The following CNBD1 variants were observed in gnomAD, a reference collection of about 807,000 sequenced individuals.
The protein encoded by CNBD1 is cyclic nucleotide-binding domain-containing protein 1.
Under a neutral mutation model 54.4 loss-of-function variants are expected in CNBD1, and 71 were observed. That is an observed-to-expected ratio of 1.30 (90% CI 1.08 to 1.59). The LOEUF (loss-of-function observed/expected upper bound fraction) is 1.59, where lower values mean the gene tolerates loss of function less well. Ranked by LOEUF, CNBD1 falls within the 40% of genes most tolerant of loss-of-function variation. The probability of loss-of-function intolerance (pLI) is 0.00; values close to 1 mark genes in which losing one functional copy is unlikely to be tolerated. For missense variants in CNBD1, 659 were observed against 518.0 expected (o/e 1.27, Z -2.64); for synonymous variants, 182 against 170.7 (o/e 1.07, Z -0.51).
intron 1 of CNBD1, among the ~76,000 whole-genome samples, chr8:86,881,408 C>T (rs975976720): frequency 6.6e-6 from 1 of 152,048 alleles, no homozygotes; most frequent in African/African-American, 2.4e-5. Context: ...TGAGTGAATT[C>T]CCATTAACAA....
chr8:87,068,315 A>G (rs1810695766), intron 4 of CNBD1, among the ~76,000 whole-genome samples: 2 of 152,058 alleles, frequency 1.3e-5, no homozygotes, highest in Non-Finnish European at 2.9e-5. Context: ...TAGGTAATAT[A>G]TAATTACAAT....
intron 4 of CNBD1, among the ~76,000 whole-genome samples, chr8:87,200,858 T>A (rs1195439270): frequency 6.6e-6 from 1 of 152,098 alleles, no homozygotes; most frequent in Non-Finnish European, 1.5e-5. Context: ...CTTCACAAAA[T>A]CTTTCAAAAA....
At chr8:86,874,986 T>TTTTATATATATATATATA (rs1304865331) in intron 1 of CNBD1, among the ~76,000 whole-genome samples, 15 of 120,110 alleles carry the variant, frequency 1.2e-4, no homozygotes, top group African/African-American at 4.8e-4. Flanking sequence ...GTAAATCAAT[T>TTTTATATATATATATATA]TATATATATA....
intron 8 of CNBD1, among the ~76,000 whole-genome samples, chr8:87,292,485 G>T (rs113649919): frequency 3.9e-5 from 6 of 152,230 alleles, no homozygotes; most frequent in African/African-American, 1.4e-4. Context: ...TGGGGTGTGA[G>T]AAATGGAATG....
chr8:87,378,004 G>T (rs1810987871), intron 10 of CNBD1, among the ~76,000 whole-genome samples: 1 of 132,088 alleles, frequency 7.6e-6, no homozygotes, highest in Admixed American at 7.7e-5. Flanking sequence ...GGGGTTGTTT[G>T]TTTTTTTCTT....
chr8:87,219,268 A>G (rs1814274675), intron 5 of CNBD1, among the ~76,000 whole-genome samples: 1 of 152,042 alleles, frequency 6.6e-6, no homozygotes. Flanking sequence ...AATAACTTGA[A>G]AACTACAATA....
At chr8:87,329,623 A>G (rs971671585) in intron 8 of CNBD1, among the ~76,000 whole-genome samples, 4 of 152,050 alleles carry the variant, frequency 2.6e-5, no homozygotes, top group South Asian at 2.1e-4. Context: ...ATTTTGTTAG[A>G]TTTGTAACTG....
intron 8 of CNBD1, among the ~76,000 whole-genome samples, chr8:87,322,343 G>C (rs891046074): frequency 8.4e-6 from 1 of 119,464 alleles, no homozygotes; most frequent in African/African-American, 3.2e-5. Flanking sequence ...TGGGTCAAAT[G>C]GTATTTCTAG....
intron 4 of CNBD1, among the ~76,000 whole-genome samples, chr8:86,978,900 GA>G (rs903822608): frequency 2.0e-5 from 3 of 151,748 alleles, no homozygotes; most frequent in Non-Finnish European, 4.4e-5. Context: ...TTTTTTTCTG[GA>G]AAAAAGTATA....
At chr8:87,104,297 T>C (rs1811490444) in intron 4 of CNBD1, among the ~76,000 whole-genome samples, 1 of 152,208 alleles carries the variant, frequency 6.6e-6, no homozygotes, top group Admixed American at 6.5e-5. Flanking sequence ...AGCAGGGTCT[T>C]TGCATTTAAT....
intron 2 of CNBD1, among the ~76,000 whole-genome samples, chr8:87,427,886 G>T (rs942233612): frequency 1.3e-5 from 2 of 152,072 alleles, no homozygotes; most frequent in South Asian, 2.1e-4. Flanking sequence ...ATAAAGGGCA[G>T]TTGGCCATCC....
At chr8:87,276,876 T>C (rs1253395310) in intron 6 of CNBD1, among the ~76,000 whole-genome samples, 1 of 151,672 alleles carries the variant, frequency 6.6e-6, no homozygotes, top group Non-Finnish European at 1.5e-5. Context: ...AACCTTAGAA[T>C]GCCAGAGCAC....
intron 4 of CNBD1, among the ~76,000 whole-genome samples, chr8:87,099,026 CTG>C (rs1226108690): frequency 9.8e-6 from 1 of 101,704 alleles, no homozygotes; most frequent in African/African-American, 4.0e-5. Context: ...CAGAGCAAGA[CTG>C]TGTCTCAAAA....
intron 10 of CNBD1, among the ~76,000 whole-genome samples, chr8:87,354,397 CT>C (rs916416361): frequency 1.5e-4 from 23 of 151,018 alleles, no homozygotes; most frequent in African/African-American, 4.4e-4. Flanking sequence ...TCTAGGATTT[CT>C]TTTTTTTTAA....
intron 4 of CNBD1, among the ~76,000 whole-genome samples, chr8:86,991,585 C>T (rs977286757): frequency 6.6e-5 from 10 of 152,026 alleles, no homozygotes; most frequent in African/African-American, 2.2e-4. Flanking sequence ...TTTCCCCCTC[C>T]AGTTCTTCTA....
intron 8 of CNBD1, among the ~76,000 whole-genome samples, chr8:87,300,644 G>A (rs891127633): frequency 2.0e-5 from 3 of 152,074 alleles, no homozygotes; most frequent in African/African-American, 7.2e-5. Context: ...GATAGTGCTT[G>A]TAGTCCCAGC....
At chr8:87,090,722 T>G (rs1811187793) in intron 4 of CNBD1, among the ~76,000 whole-genome samples, 2 of 152,220 alleles carry the variant, frequency 1.3e-5, no homozygotes. Context: ...TTTAAACAAT[T>G]AGATTGAGTT....
rs71275901 is a variant in CNBD1, at chr8:86,951,581, C to CAAAAAAAAAAAAAAAAAAAAAAA, written c.431+11843_431+11865dup. 1.1e-3 allele frequency among the ~76,000 whole-genome samples: 41 copies of CAAAAAAAAAAAAAAAAAAAAAAA among 37,362 alleles called. 15 individuals are homozygous for CAAAAAAAAAAAAAAAAAAAAAAA. Among genetic ancestry groups the CAAAAAAAAAAAAAAAAAAAAAAA allele is most frequent in the Non-Finnish European group, 1.5e-3 (31 of 20,870 alleles). 24.5% of individuals were successfully genotyped at this position (37,362 alleles called of 152,430 possible). ...GGTGACAGAGCGAGGCTCCGTCTCA[C>CAAAAAAAAAAAAAAAAAAAAAAA]AAAAAAAAAAAAAAAAAAAAAAAAA... On this transcript the variant is annotated intron_variant, in intron 4 of 10. Coordinates refer to ENST00000518476, the MANE Select transcript of CNBD1 (RefSeq NM_173538.3).
chr8:87,238,604 T>C (rs1233777654), intron 6 of CNBD1, among the ~76,000 whole-genome samples: 1 of 152,140 alleles, frequency 6.6e-6, no homozygotes, highest in Non-Finnish European at 1.5e-5. Flanking sequence ...GAGACTGCTA[T>C]AGCAGAGCTC....
Sources: allele counts gnomAD v4.1 joint callset (sites outside exome capture counted in the v4.1 genomes callset), GRCh38; gene constraint gnomAD v4.1.1; transcripts MANE v1.5; gene names NCBI Gene and HGNC (gene_info 2026-07-23, HGNC 2026-07-21).